The following PEX14 variants were observed in gnomAD, a reference collection of about 807,000 sequenced individuals.
PEX14 encodes the protein peroxisomal biogenesis factor 14, also known as peroxisomal membrane protein PEX14.
PEX14 carries 15 observed loss-of-function variants against 49.5 expected under a neutral mutation model. The ratio of observed to expected loss-of-function variants is 0.30; its 90% CI spans 0.20 to 0.47. PEX14 has a LOEUF of 0.47. Among genes scored for constraint, PEX14 ranks in the 20% least tolerant of loss-of-function variants. PEX14 has a pLI of 1.00. For synonymous variants in PEX14, 210 were observed against 212.7 expected, an observed-to-expected ratio of 0.99 and a Z score of 0.11; for missense variants, 398 against 494.8, an observed-to-expected ratio of 0.80 and a Z score of 1.86.
intron 3 of PEX14, among the ~76,000 whole-genome samples, chr1:10,537,684 G>C (rs1638859870): frequency 6.6e-6 from 1 of 152,090 alleles, no homozygotes; most frequent in Non-Finnish European, 1.5e-5. Context: ...CTCAAACGCA[G>C]CTGGGTTAGA....
intron 3 of PEX14, among the ~76,000 whole-genome samples, chr1:10,569,929 T>A (rs1639923434): frequency 6.6e-6 from 1 of 152,198 alleles, no homozygotes; most frequent in Non-Finnish European, 1.5e-5. Context: ...CATGAGAGGG[T>A]CTTTTAATGT....
At chr1:10,567,091 CTT>C (rs1244207935) in intron 3 of PEX14, among the ~76,000 whole-genome samples, 1 of 152,138 alleles carries the variant, frequency 6.6e-6, no homozygotes, top group Non-Finnish European at 1.5e-5. Flanking sequence ...AGAAATAAAA[CTT>C]TATTTATGGA....
intron 2 of PEX14, chr1:10,524,459 G>A (rs1638402567): frequency 1.1e-6 from 1 of 951,078 alleles, no homozygotes; most frequent in Non-Finnish European, 1.3e-6. Flanking sequence ...GGAGGAAGAT[G>A]CTCAATAAAC....
At chr1:10,600,859 C>T (rs1249402657) in intron 4 of PEX14, among the ~76,000 whole-genome samples, 4 of 152,110 alleles carry the variant, frequency 2.6e-5, no homozygotes, top group African/African-American at 4.8e-5. Flanking sequence ...TAAGGCCGGG[C>T]GCAGTGGCTC....
At chr1:10,564,327 G>T (rs965658886) in intron 3 of PEX14, among the ~76,000 whole-genome samples, 2 of 151,334 alleles carry the variant, frequency 1.3e-5, no homozygotes, top group Non-Finnish European at 2.9e-5. Context: ...TGATCTTTCA[G>T]TTTACTAACC....
intron 3 of PEX14, among the ~76,000 whole-genome samples, chr1:10,564,452 A>G (rs937247343): frequency 2.0e-5 from 3 of 150,982 alleles, no homozygotes; most frequent in African/African-American, 7.3e-5. Flanking sequence ...TTTTGAGACA[A>G]AGATTTCACT....
intron 1 of PEX14, among the ~76,000 whole-genome samples, chr1:10,479,276 C>T (rs1641245109): frequency 6.6e-6 from 1 of 152,056 alleles, no homozygotes; most frequent in South Asian, 2.1e-4. Flanking sequence ...ACTTTGGAGG[C>T]TGAGGTGAGA....
intron 1 of PEX14, among the ~76,000 whole-genome samples, chr1:10,476,944 C>T (rs991828697): frequency 1.3e-5 from 2 of 152,120 alleles, no homozygotes; most frequent in Non-Finnish European, 2.9e-5. Flanking sequence ...GATCTAAGGT[C>T]CTTTAAGGGG....
intron 3 of PEX14, among the ~76,000 whole-genome samples, chr1:10,543,630 A>G (rs144904938): frequency 6.6e-6 from 1 of 152,226 alleles, no homozygotes; most frequent in East Asian, 1.9e-4. Flanking sequence ...AGGACCCAAT[A>G]TTATATAACA....
At chr1:10,485,518 T>C (rs1011208322) in intron 1 of PEX14, among the ~76,000 whole-genome samples, 14 of 151,106 alleles carry the variant, frequency 9.3e-5, no homozygotes, top group Non-Finnish European at 1.6e-4. Flanking sequence ...GGGGTCTTGC[T>C]GTGTTGCGCA....
At chr1:10,581,487 G>A (rs924178021) in intron 3 of PEX14, among the ~76,000 whole-genome samples, 4 of 151,274 alleles carry the variant, frequency 2.6e-5, no homozygotes, top group Non-Finnish European at 5.9e-5. Context: ...TGTATTTTTA[G>A]TAGAGACAGG....
chr1:10,608,877 ACCTC>A (rs1641199403), intron 4 of PEX14, among the ~76,000 whole-genome samples: 4 of 152,014 alleles, frequency 2.6e-5, no homozygotes, highest in African/African-American at 9.6e-5. Context: ...AGAGTACTTC[ACCTC>A]CCCTGCAAGA....
chr1:10,503,007 C>T (rs1306018213), intron 2 of PEX14, among the ~76,000 whole-genome samples: 1 of 151,442 alleles, frequency 6.6e-6, no homozygotes, highest in African/African-American at 2.4e-5. Context: ...CACTATGTTG[C>T]CCAGGCTGAT....
intron 5 of PEX14, among the ~76,000 whole-genome samples, chr1:10,619,911 C>T (rs1449087264): frequency 1.3e-5 from 2 of 151,568 alleles, no homozygotes; most frequent in African/African-American, 2.4e-5. Flanking sequence ...GTCAGTAGAT[C>T]GAGACCATCC....
rs142285791 is a variant in PEX14, at chr1:10,627,288, A to T, written c.602A>T (p.Asn201Ile). ...TGCTTTCAGGCCACCACATCCACCA[A>T]CTGGATCCTGGAGTCCCAGAATATC... Reference protein sequence around the residue: ...LAAAKATTSTNWILESQNINE... With the variant: ...LAAAKATTSTIWILESQNINE... The change falls in exon 8 of 9, where the codon AAC becomes ATC. Residue 201 changes from asparagine (N) to isoleucine (I), a missense_variant. This residue lies in a region of PEX14 where 202 missense variants were observed against 298.5 expected (regional missense o/e 0.68). Transcript: ENST00000356607. 6.2e-7 allele frequency: 1 copy of T among 1,613,428 alleles called. No individual in the cohort carries two copies. The highest frequency in any genetic ancestry group is 1.7e-5 in the Admixed American group (1 of 60,030).
At position 10,628,431 on chromosome 1, in the gene PEX14, G is replaced by A. The variant is rs1026326323; in HGVS notation, c.677+1068G>A. On this transcript the variant is annotated intron_variant, in intron 8 of 8. Transcript: ENST00000356607. The surrounding 1 kb of genome is among the most constrained non-coding windows in gnomAD (Gnocchi z 4.5). ...GGCTTTTCACTAGGGTCCAGGATGG[G>A]GTGCAGAGGGGTCTTGCGGCTCCAG... 6.6e-6 allele frequency among the ~76,000 whole-genome samples: 1 copy of A among 152,218 alleles called. No individual in the cohort carries two copies. Among genetic ancestry groups the A allele is most frequent in the African/African-American group, 2.4e-5 (1 of 41,456 alleles).
chr1:10,545,890 T>A (rs538279890), intron 3 of PEX14, among the ~76,000 whole-genome samples: 1 of 152,026 alleles, frequency 6.6e-6, no homozygotes, highest in African/African-American at 2.4e-5. Flanking sequence ...CAAAAAAAAT[T>A]AAAAATTAGC....
chr1:10,565,459 C>T (rs1639775794), intron 3 of PEX14, among the ~76,000 whole-genome samples: 1 of 152,126 alleles, frequency 6.6e-6, no homozygotes, highest in African/African-American at 2.4e-5. Context: ...GGCTCCTTTT[C>T]CTTGGTGGGG....
At chr1:10,604,953 A>C (rs946142630) in intron 4 of PEX14, among the ~76,000 whole-genome samples, 3 of 152,028 alleles carry the variant, frequency 2.0e-5, no homozygotes, top group Admixed American at 6.6e-5. Flanking sequence ...GTTGTTCTCC[A>C]TGGTTGGGCC....
Sources: allele counts gnomAD v4.1 joint callset (sites outside exome capture counted in the v4.1 genomes callset), GRCh38; gene constraint gnomAD v4.1.1; regional missense constraint gnomAD v4.1.1; non-coding constraint Gnocchi (gnomAD v3.1); transcripts MANE v1.5; gene names NCBI Gene and HGNC (gene_info 2026-07-23, HGNC 2026-07-21).